RIMS1: variants seen among roughly 807,000 people sequenced by gnomAD.
RIMS1 encodes the protein regulating synaptic membrane exocytosis 1.
Under a neutral mutation model 214.1 loss-of-function variants are expected in RIMS1, and 83 were observed. The observed-to-expected ratio is 0.39, with a 90% CI of 0.32 to 0.47. The LOEUF (loss-of-function observed/expected upper bound fraction) is 0.47. Ranked by LOEUF, RIMS1 falls within the 20% of genes least tolerant of loss-of-function variation. The pLI, the probability that RIMS1 is intolerant of heterozygous loss-of-function variation, is 0.99. For synonymous variants in RIMS1, 793 were observed against 786.8 expected (o/e 1.01, Z -0.13); for missense variants, 2,050 against 2,161.8 (o/e 0.95, Z 1.03).
intron 23 of RIMS1, among the ~76,000 whole-genome samples, chr6:72,275,393 C>T (rs2154196145): frequency 6.6e-6 from 1 of 150,772 alleles, no homozygotes; most frequent in Non-Finnish European, 1.5e-5. Flanking sequence ...TAATTTAAGC[C>T]CTAGTTAACC....
chr6:71,919,608 G>T lies in RIMS1; in HGVS notation c.164+32421G>T, dbSNP rs1167657602. On this transcript the variant is annotated intron_variant, in intron 1 of 33. Transcript: ENST00000521978. ...AATGGATAAGCAAGCCATGGAAAGG[G>T]TGAGTAGAAGAGAGAAGTAAATAAT... 2.0e-5 allele frequency among the ~76,000 whole-genome samples: 3 copies of T among 152,080 alleles called. No individual in the cohort carries two copies. In the South Asian group the frequency reaches 6.2e-4, roughly 32 times the overall value.
chr6:72,355,694 A>G (rs1182628772), intron 29 of RIMS1, among the ~76,000 whole-genome samples: 1 of 152,152 alleles, frequency 6.6e-6, no homozygotes, highest in Non-Finnish European at 1.5e-5. Flanking sequence ...TATTTTAATA[A>G]ACATACATGT....
chr6:72,242,183 C>A, intron 9 of RIMS1, 131 bp from the exon 10 acceptor site: 1 of 684,462 alleles, frequency 1.5e-6, no homozygotes, highest in Non-Finnish European at 2.4e-6. Context: ...AATCAATTTG[C>A]TTTTGAAAGC....
intron 22 of RIMS1, among the ~76,000 whole-genome samples, chr6:72,266,910 T>C (rs899385590): frequency 6.6e-6 from 1 of 152,092 alleles, no homozygotes; most frequent in African/African-American, 2.4e-5. Flanking sequence ...GTTGTACTAA[T>C]GTAACCCGCT....
chr6:72,171,232 C>G (rs919053156), intron 4 of RIMS1, among the ~76,000 whole-genome samples: 6 of 151,538 alleles, frequency 4.0e-5, no homozygotes, highest in African/African-American at 1.5e-4. Context: ...GTAAACTAAA[C>G]TTTAAAATGT....
chr6:72,046,573 C>T (rs1012674687), intron 2 of RIMS1, among the ~76,000 whole-genome samples: 1 of 151,934 alleles, frequency 6.6e-6, no homozygotes, highest in Admixed American at 6.6e-5. Flanking sequence ...GTGAATCTTA[C>T]CCAATTACCC....
At chr6:71,900,280 GA>G (rs911797714) in intron 1 of RIMS1, among the ~76,000 whole-genome samples, 2 of 152,048 alleles carry the variant, frequency 1.3e-5, no homozygotes, top group African/African-American at 4.8e-5. Context: ...TGTGGAAGAG[GA>G]AAAAGTCTGC....
chr6:72,139,922 G>A (rs1221557674), intron 4 of RIMS1, among the ~76,000 whole-genome samples: 2 of 152,056 alleles, frequency 1.3e-5, no homozygotes, highest in African/African-American at 4.8e-5. Context: ...TTTTACATAA[G>A]AGGCTTGAAG....
At chr6:72,332,859 C>T (rs1216399834) in intron 28 of RIMS1, among the ~76,000 whole-genome samples, 1 of 151,416 alleles carries the variant, frequency 6.6e-6, no homozygotes, top group Non-Finnish European at 1.5e-5. Flanking sequence ...GGAATCTATT[C>T]AGGTAAACTG....
At chr6:72,196,705 A>T (rs55786736) in intron 6 of RIMS1, among the ~76,000 whole-genome samples, 1 of 150,766 alleles carries the variant, frequency 6.6e-6, no homozygotes, top group African/African-American at 2.4e-5. Context: ...AAATACTCAT[A>T]AAAGTGATGA....
intron 1 of RIMS1, among the ~76,000 whole-genome samples, chr6:71,955,269 C>T (rs530174869): frequency 6.6e-6 from 1 of 152,050 alleles, no homozygotes; most frequent in South Asian, 2.1e-4. Context: ...CAGGTTCAAG[C>T]GATTCTCCTG....
chr6:72,168,066 T>A (rs2046517477), intron 4 of RIMS1, among the ~76,000 whole-genome samples: 1 of 152,142 alleles, frequency 6.6e-6, no homozygotes. Flanking sequence ...AGGATATTGC[T>A]ATTAGAGATG....
intron 1 of RIMS1, among the ~76,000 whole-genome samples, chr6:71,893,699 G>A (rs957303788): frequency 2.0e-5 from 3 of 152,026 alleles, no homozygotes; most frequent in East Asian, 3.8e-4. Context: ...TTCTTACATC[G>A]AGTTTATATA....
At chr6:72,241,816 T>A (rs1329343822) in intron 9 of RIMS1, among the ~76,000 whole-genome samples, 1 of 152,202 alleles carries the variant, frequency 6.6e-6, no homozygotes, top group Admixed American at 6.6e-5. Flanking sequence ...GTGAAGACAC[T>A]GAAGCATGAC....
intron 1 of RIMS1, among the ~76,000 whole-genome samples, chr6:71,904,294 A>G (rs181760060): frequency 7.8e-4 from 119 of 152,290 alleles, no homozygotes; most frequent in Non-Finnish European, 1.9e-4. Context: ...ATTAGGGAGT[A>G]CTTTCAGGAT....
chr6:72,146,213 A>T (rs2042732607), intron 4 of RIMS1, among the ~76,000 whole-genome samples: 1 of 152,166 alleles, frequency 6.6e-6, no homozygotes, highest in South Asian at 2.1e-4. Context: ...CATTGTCTCA[A>T]ATATTTTTAA....
chr6:72,040,142 C>A (rs2152076593), intron 2 of RIMS1, among the ~76,000 whole-genome samples: 1 of 152,104 alleles, frequency 6.6e-6, no homozygotes, highest in Non-Finnish European at 1.5e-5. Context: ...TACTTAGTAC[C>A]TAGGGACCTT....
chr6:72,179,424 T>A, intron 4 of RIMS1, 151 bp from the exon 5 acceptor site: 1 of 731,312 alleles, frequency 1.4e-6, no homozygotes, highest in Non-Finnish European at 2.4e-6. Context: ...TATTTGACTG[T>A]GACTTGTGGG....
At chr6:72,353,645 G>A (rs1474247525) in intron 29 of RIMS1, among the ~76,000 whole-genome samples, 2 of 152,182 alleles carry the variant, frequency 1.3e-5, no homozygotes, top group Non-Finnish European at 2.9e-5. Context: ...GAGGGAAGGT[G>A]ATTGGGAAGT....
Sources: allele counts gnomAD v4.1 joint callset (sites outside exome capture counted in the v4.1 genomes callset), GRCh38; gene constraint gnomAD v4.1.1; transcripts MANE v1.5; gene names NCBI Gene and HGNC (gene_info 2026-07-23, HGNC 2026-07-21).